Variants in KANK1 observed in about 807,000 individuals in gnomAD.
The protein encoded by KANK1 is KN motif and ankyrin repeat domains 1, also known as KN motif and ankyrin repeat domain-containing protein 1.
A neutral mutation model predicts 106.2 loss-of-function variants in KANK1; 109 were observed. That is an observed-to-expected ratio of 1.03 (90% confidence interval 0.88 to 1.20). KANK1 has a LOEUF of 1.20. KANK1 is among the 50% of genes most tolerant of loss of function. The pLI is 0.00. For missense variants in KANK1, 2,399 were observed against 1,710.7 expected (o/e 1.40, Z -7.10); for synonymous variants, 873 against 652.2 (o/e 1.34, Z -5.16).
At chr9:690,467 A>C (rs566051841) in intron 2 of KANK1, among the ~76,000 whole-genome samples, 2 of 152,124 alleles carry the variant, frequency 1.3e-5, no homozygotes, top group Non-Finnish European at 2.9e-5. Flanking sequence ...GGCTGAAGTA[A>C]TCATACCTTG....
chr9:660,060 C>T, intron 1 of KANK1: 1 of 410,508 alleles, frequency 2.4e-6, no homozygotes, highest in South Asian at 2.2e-5. Context: ...GTCCTGCTGG[C>T]ACTGAGGATT....
intron 3 of KANK1, among the ~76,000 whole-genome samples, chr9:486,784 T>C (rs1288259892): frequency 6.6e-6 from 1 of 152,246 alleles, no homozygotes; most frequent in Non-Finnish European, 1.5e-5. Context: ...TTTAAGACTC[T>C]TCAATTATAT....
intron 2 of KANK1, chr9:687,054 G>A (rs1818750053): frequency 4.8e-6 from 2 of 412,794 alleles, no homozygotes; most frequent in Non-Finnish European, 3.2e-6. Context: ...TAATACTGCT[G>A]CATTTCAATT....
At chr9:662,868 G>A (rs1226569249) in intron 1 of KANK1, among the ~76,000 whole-genome samples, 2 of 152,020 alleles carry the variant, frequency 1.3e-5, no homozygotes, top group Non-Finnish European at 2.9e-5. Flanking sequence ...CACCTTGTTG[G>A]CCAGGTTGGT....
At chr9:697,535 T>A (rs902057175) in intron 2 of KANK1, among the ~76,000 whole-genome samples, 10 of 152,168 alleles carry the variant, frequency 6.6e-5, no homozygotes, top group Non-Finnish European at 1.5e-4. Flanking sequence ...GACATCAGTA[T>A]CTTAGTCTTT....
intron 3 of KANK1, among the ~76,000 whole-genome samples, chr9:486,405 G>T (rs566882386): frequency 2.2e-4 from 34 of 152,268 alleles, no homozygotes; most frequent in African/African-American, 7.7e-4. Flanking sequence ...CTATGTGTCA[G>T]ACCTATGCTG....
intron 10 of KANK1, 79 bp from the exon 11 acceptor site, chr9:744,412 G>A: frequency 6.8e-7 from 1 of 1,478,910 alleles, no homozygotes; most frequent in East Asian, 2.3e-5. Context: ...TTATTGGAGG[G>A]TGTTTTGTTC....
intron 1 of KANK1, among the ~76,000 whole-genome samples, chr9:630,272 G>T (rs551448860): frequency 1.4e-5 from 2 of 146,416 alleles, no homozygotes; most frequent in South Asian, 2.2e-4. Context: ...AAACGAGTTG[G>T]GGGGCAGGCA....
intron 1 of KANK1, among the ~76,000 whole-genome samples, chr9:629,816 A>C (rs1196454355): frequency 6.6e-6 from 1 of 152,366 alleles, no homozygotes; most frequent in Admixed American, 6.5e-5. Flanking sequence ...TCAGTGATTC[A>C]GGGAGAGGAC....
chr9:598,705 A>G (rs1347846351), intron 1 of KANK1, among the ~76,000 whole-genome samples: 2 of 119,926 alleles, frequency 1.7e-5, no homozygotes, highest in African/African-American at 7.6e-5. Flanking sequence ...ACCTCGGCTC[A>G]CTGCAACCTC....
chr9:519,557 C>T (rs2059452517), intron 1 of KANK1, among the ~76,000 whole-genome samples: 1 of 151,680 alleles, frequency 6.6e-6, no homozygotes, highest in South Asian at 2.1e-4. Flanking sequence ...GGTAAGATTT[C>T]CATGCAGAGC....
chr9:688,067 G>T (rs1385576939), intron 2 of KANK1, among the ~76,000 whole-genome samples: 3 of 152,174 alleles, frequency 2.0e-5, no homozygotes, highest in Non-Finnish European at 2.9e-5. Context: ...CTAAGAATTT[G>T]TGGGCCTGAG....
chr9:473,620 T>C (rs1428004473), intron 3 of KANK1, among the ~76,000 whole-genome samples: 1 of 152,200 alleles, frequency 6.6e-6, no homozygotes, highest in Non-Finnish European at 1.5e-5. Flanking sequence ...TTTTAGTGTA[T>C]ATCATCCCCC....
At chr9:708,878 C>G (rs1419743291) in intron 2 of KANK1, among the ~76,000 whole-genome samples, 1 of 152,156 alleles carries the variant, frequency 6.6e-6, no homozygotes, top group Non-Finnish European at 1.5e-5. Context: ...AACACATGAC[C>G]TGATCCTACA....
chr9:682,341 A>G (rs1817722808), intron 2 of KANK1, among the ~76,000 whole-genome samples: 1 of 152,072 alleles, frequency 6.6e-6, no homozygotes, highest in Non-Finnish European at 1.5e-5. Context: ...AGGAAACCAG[A>G]AGAGAAGAAT....
At chr9:630,952 C>G (rs1306906242) in intron 1 of KANK1, among the ~76,000 whole-genome samples, 3 of 135,726 alleles carry the variant, frequency 2.2e-5, no homozygotes, top group Non-Finnish European at 4.9e-5. Context: ...AAGACTCTGT[C>G]TCAAAAAACA....
At chr9:709,326 G>T (rs1010262766) in intron 2 of KANK1, among the ~76,000 whole-genome samples, 3 of 152,172 alleles carry the variant, frequency 2.0e-5, no homozygotes, top group African/African-American at 7.2e-5. Context: ...TTTCTCAGCC[G>T]GGGAGGTGCC....
At chr9:605,412 A>C (rs984197921) in intron 1 of KANK1, among the ~76,000 whole-genome samples, 20 of 151,794 alleles carry the variant, frequency 1.3e-4, no homozygotes, top group Non-Finnish European at 2.9e-5. Context: ...ATGAAGGGGC[A>C]TCTAAAACAG....
chr9:603,824 G>A (rs1588164625), intron 1 of KANK1, among the ~76,000 whole-genome samples: 1 of 151,324 alleles, frequency 6.6e-6, no homozygotes, highest in Admixed American at 6.6e-5. Flanking sequence ...GCTGGGTGTG[G>A]TGGTGTGCGC....
Sources: gnomAD v4.1 joint callset for allele counts (sites outside exome capture counted in the v4.1 genomes callset) on GRCh38, gnomAD v4.1.1 for gene constraint, MANE v1.5 for transcripts, NCBI Gene and HGNC (gene_info 2026-07-23, HGNC 2026-07-21) for gene names.